The following SAMD12 variants were observed in gnomAD, a reference collection of about 807,000 sequenced individuals.
The protein encoded by SAMD12 is sterile alpha motif domain containing 12.
Under a neutral mutation model 15.0 loss-of-function variants are expected in SAMD12, and 9 were observed. That is an observed-to-expected ratio of 0.60 (90% CI 0.36 to 1.05). The LOEUF is 1.05. SAMD12 is among the 50% of genes least tolerant of loss of function. The pLI is 0.01. For missense variants in SAMD12, 230 were observed against 234.2 expected (o/e 0.98, Z 0.12); for synonymous variants, 86 against 90.1 (o/e 0.96, Z 0.25).
chr8:118,270,508 T>A (rs1035882755), intron 4 of SAMD12, among the ~76,000 whole-genome samples: 5 of 152,200 alleles, frequency 3.3e-5, no homozygotes, highest in Non-Finnish European at 7.4e-5. Context: ...ATATTTAGAT[T>A]GTAAATTCCC....
intron 4 of SAMD12, among the ~76,000 whole-genome samples, chr8:118,331,970 A>T (rs1419945678): frequency 6.6e-6 from 1 of 152,180 alleles, no homozygotes; most frequent in African/African-American, 2.4e-5. Context: ...ATATTACTTA[A>T]ACACCTGATA....
At chr8:118,562,439 A>C (rs538359883) in intron 2 of SAMD12, among the ~76,000 whole-genome samples, 1 of 152,252 alleles carries the variant, frequency 6.6e-6, no homozygotes, top group South Asian at 2.1e-4. Flanking sequence ...AAAAAAAAGA[A>C]AGGAGGGAAA....
chr8:118,163,703 G>A, the SAMD12 span, among the ~76,000 whole-genome samples: 34 of 152,002 alleles, frequency 2.2e-4, no homozygotes, highest in Non-Finnish European at 4.9e-4. Context: ...GTGAAACCCC[G>A]TCTTTACTAA....
rs28398470 is a variant in SAMD12 at position 118,298,579 on chromosome 8, G to A, written c.433+80981C>T. 6.0e-3 allele frequency among the ~76,000 whole-genome samples: 918 copies of A among 152,114 alleles called. 16 individuals are homozygous for A. Among genetic ancestry groups the A allele is most frequent in the African/African-American group, 0.021 (885 of 41,514 alleles). On this transcript the variant is annotated intron_variant, in intron 4 of 4. Coordinates refer to the SAMD12 transcript ENST00000409003. ...CATTTACACTTTTTAAATACAGTTTGTTGTTTATACAATTTTGAATTGTTT... is the reference window on the plus strand; with the variant it reads ...CATTTACACTTTTTAAATACAGTTTATTGTTTATACAATTTTGAATTGTTT...
chr8:118,416,368 A>C (rs958581866), intron 3 of SAMD12, among the ~76,000 whole-genome samples: 1 of 152,176 alleles, frequency 6.6e-6, no homozygotes, highest in African/African-American at 2.4e-5. Context: ...TCTTTTTTTC[A>C]GGGCATATGA....
intron 2 of SAMD12, among the ~76,000 whole-genome samples, chr8:118,545,381 C>T (rs1314382278): frequency 3.9e-5 from 6 of 152,214 alleles, no homozygotes; most frequent in Admixed American, 2.0e-4. Context: ...GCAGGAGAAT[C>T]GCTTGAGCCT....
intron 4 of SAMD12, among the ~76,000 whole-genome samples, chr8:118,243,678 A>G (rs1451123080): frequency 6.6e-6 from 1 of 152,136 alleles, no homozygotes; most frequent in African/African-American, 2.4e-5. Context: ...AATTACTTAA[A>G]AATCCTGGAG....
rs550082550 is a variant in SAMD12, at chr8:118,480,215, A to G, written c.193-40254T>C. 3.3e-5 allele frequency among the ~76,000 whole-genome samples: 5 copies of G among 152,300 alleles called. No individual in the cohort carries two copies. In the South Asian group the frequency reaches 8.3e-4, roughly 25 times the overall value. On this transcript the variant is annotated intron_variant, in intron 2 of 3. Transcript: ENST00000314727. ...GCATCATGCCACATGTCCTAAGTGA[A>G]AGATAGCAGTGGGTGACCACAGTAT...
intron 4 of SAMD12, among the ~76,000 whole-genome samples, chr8:118,202,735 A>G (rs1346335832): frequency 6.6e-6 from 1 of 152,194 alleles, no homozygotes; most frequent in South Asian, 2.1e-4. Context: ...AGAAGGGTCC[A>G]TATCTTCTAC....
In SAMD12 at chr8:118,261,902, C is replaced by T. The variant is rs187474614; in HGVS notation, c.434-64170G>A. 1.2e-3 allele frequency among the ~76,000 whole-genome samples: 185 copies of T among 149,676 alleles called. 1 individual carries two copies. Among genetic ancestry groups the T allele is most frequent in the Non-Finnish European group, 2.1e-4 (14 of 67,516 alleles). The stretch of plus-strand genomic sequence containing the variant: ...AATTGACATCTTTTTTTTTTTTCTC[C>T]AATAGTCAAGATAGGGAATCAACCT... On this transcript the variant is annotated intron_variant, in intron 4 of 4. Transcript: ENST00000409003.
chr8:118,587,819 A>G (rs1827489971), intron 1 of SAMD12, among the ~76,000 whole-genome samples: 1 of 152,224 alleles, frequency 6.6e-6, no homozygotes, highest in African/African-American at 2.4e-5. Context: ...TTATTAAGCC[A>G]TGGTTAGTCG....
At chr8:118,486,903 T>C (rs1824306506) in intron 2 of SAMD12, among the ~76,000 whole-genome samples, 1 of 152,076 alleles carries the variant, frequency 6.6e-6, no homozygotes, top group African/African-American at 2.4e-5. Flanking sequence ...ACAGGACCCA[T>C]GGCCACAGGT....
intron 3 of SAMD12, among the ~76,000 whole-genome samples, chr8:118,426,681 G>A (rs375532866): frequency 6.6e-6 from 1 of 152,062 alleles, no homozygotes; most frequent in African/African-American, 2.4e-5. Flanking sequence ...TTAGAGTATC[G>A]ATGAATGTGT....
intron 4 of SAMD12, among the ~76,000 whole-genome samples, chr8:118,214,626 T>C (rs1310074017): frequency 2.6e-5 from 4 of 152,254 alleles, no homozygotes; most frequent in African/African-American, 7.2e-5. Context: ...ACTGTGGGTA[T>C]AGATGTTAGA....
chr8:118,596,572 A>T (rs911267548), intron 1 of SAMD12, among the ~76,000 whole-genome samples: 1 of 152,178 alleles, frequency 6.6e-6, no homozygotes, highest in African/African-American at 2.4e-5. Flanking sequence ...CTAACTTTGG[A>T]GGAAGCGCCA....
chr8:118,205,925 A>T (rs963428368), intron 4 of SAMD12, among the ~76,000 whole-genome samples: 7 of 152,188 alleles, frequency 4.6e-5, no homozygotes, highest in African/African-American at 1.2e-4. Context: ...CTTGGGGAAA[A>T]AAAAGGACAT....
intron 1 of SAMD12, among the ~76,000 whole-genome samples, chr8:118,617,139 C>T (rs997645579): frequency 1.3e-5 from 2 of 152,164 alleles, no homozygotes; most frequent in African/African-American, 4.8e-5. Flanking sequence ...AAAAAATAAC[C>T]CACTATAAGC....
chr8:118,472,348 G>T (rs1306194753), intron 2 of SAMD12, among the ~76,000 whole-genome samples: 1 of 151,984 alleles, frequency 6.6e-6, no homozygotes, highest in Admixed American at 6.5e-5. Context: ...CTGTTGTCAG[G>T]TGTGGTAATG....
chr8:118,412,539 C>T (rs1010285451), intron 3 of SAMD12, among the ~76,000 whole-genome samples: 4 of 152,108 alleles, frequency 2.6e-5, no homozygotes, highest in Non-Finnish European at 5.9e-5. Context: ...TCCTGGAAGT[C>T]GGGAGCATGG....
Sources: gnomAD v4.1 joint callset for allele counts (sites outside exome capture counted in the v4.1 genomes callset) on GRCh38, gnomAD v4.1.1 for gene constraint, MANE v1.5 for transcripts, NCBI Gene and HGNC (gene_info 2026-07-23, HGNC 2026-07-21) for gene names.